HMCN2: variants seen among roughly 807,000 people sequenced by gnomAD.
The protein encoded by HMCN2 is hemicentin-2.
A neutral mutation model predicts 377.5 loss-of-function variants in HMCN2; 325 were observed. The observed-to-expected ratio is 0.86, with a 90% CI of 0.79 to 0.94. The LOEUF (loss-of-function observed/expected upper bound fraction) is 0.94, where lower values mean the gene tolerates loss of function less well. HMCN2 is among the 40% of genes least tolerant of loss of function. HMCN2 has a pLI of 0.00. For synonymous variants in HMCN2, 2,007 were observed against 2,046.8 expected (o/e 0.98, Z 0.53); for missense variants, 4,543 against 4,725.3 (o/e 0.96, Z 1.13).
At chr9:130,348,328 A>G (rs771239952) in intron 26 of HMCN2, among the ~76,000 whole-genome samples, 19 of 152,210 alleles carry the variant, frequency 1.2e-4, no homozygotes, top group Non-Finnish European at 2.6e-4. Context: ...AAAGGGTGAC[A>G]CCTGGGCCTG....
rs539241104 is a variant in HMCN2, at chr9:130,395,762, T to C, written c.10912-162T>C. Among the ~76,000 whole-genome samples, 92 of 152,244 alleles carry C rather than the reference T, an allele frequency of 6.0e-4. 1 individual carries two copies. The highest frequency in any genetic ancestry group is 4.8e-3 in the Admixed American group (73 of 15,300). On this transcript the variant is annotated intron_variant, in intron 71 of 97. Coordinates refer to ENST00000683500, the MANE Select transcript of HMCN2 (RefSeq NM_001291815.2). ...TTCCTCCCAGAGGAGTGCATTTCCT[T>C]AGAGGGTCCTCGGCGGGGCACAGTC...
chr9:130,354,853 G>A lies in HMCN2; in HGVS notation c.4955G>A (p.Gly1652Asp), dbSNP rs1417472191. Residue 1652 changes from glycine to aspartate, a missense_variant, in exon 32 of 98, where the codon GGC becomes GAC. Around this residue, in one of 5 missense-constraint regions of HMCN2, gnomAD observed 1,032 missense variants for 1,285.1 expected, o/e 0.80. Transcript: ENST00000683500. Reference protein sequence around the residue: ...RPVALECVARGHPSPTLSWHH... With the variant: ...RPVALECVARDHPSPTLSWHH... The stretch of plus-strand genomic sequence containing the variant: ...GTGGCGCTGGAGTGCGTGGCCAGAG[G>A]CCACCCGTCCCCCACCCTCTCCTGG... 2.3e-6 allele frequency: 3 copies of A among 1,304,118 alleles called. No homozygotes were observed. Among genetic ancestry groups the A allele is most frequent in the East Asian group, 1.1e-4 (2 of 18,038 alleles). 80.8% of individuals were successfully genotyped at this position (1,304,118 alleles called of 1,614,324 possible).
chr9:130,431,317 C>T (rs764214075), intron 95 of HMCN2, 50 bp from the exon 96 acceptor site: 13 of 1,522,916 alleles, frequency 8.5e-6, no homozygotes, highest in East Asian at 2.5e-5. Context: ...TGGCTCAGTG[C>T]GTCTCTCTGC....
Position 130,323,386 on chromosome 9 carries a change from C to T in HMCN2, c.2920+1455C>T, listed in dbSNP as rs936210828. Among the ~76,000 whole-genome samples the T allele has an allele frequency of 6.9e-3, 1,055 of 152,248 alleles. 9 individuals carry two copies. The highest frequency in any genetic ancestry group is 0.023 in the African/African-American group (957 of 41,548). On this transcript the variant is annotated intron_variant, in intron 19 of 97. Transcript: ENST00000683500. ...CTTAGAGACCCCGTGTTCAAGCCTG[C>T]GAATCTGAGTGGTGCCCAGGGTGGG...
intron 54 of HMCN2, among the ~76,000 whole-genome samples, chr9:130,380,160 G>T (rs558130618): frequency 6.6e-6 from 1 of 152,232 alleles, no homozygotes; most frequent in African/African-American, 2.4e-5. Flanking sequence ...GATTATAGGC[G>T]TGAGCCACCA....
At chr9:130,388,095 G>T (rs1842112525) in intron 61 of HMCN2, among the ~76,000 whole-genome samples, 1 of 152,098 alleles carries the variant, frequency 6.6e-6, no homozygotes, top group African/African-American at 2.4e-5. Context: ...GTCTGCCTGG[G>T]GTGTGTGACT....
rs966852191 is a variant in HMCN2 at position 130,296,738 on chromosome 9, G to A, written c.956G>A (p.Gly319Asp). The change falls in exon 7 of 98, where the codon GGC (glycine) becomes GAC (aspartate). Residue 319 changes from glycine (G) to aspartate (D), a missense_variant. Gly to Asp is a moderately conservative substitution (Grantham distance 94, BLOSUM62 -1). Around this residue, in one of 5 missense-constraint regions of HMCN2, gnomAD observed 547 missense variants for 189.9 expected, o/e 2.88. Transcript: ENST00000683500. ...GTCAGCAACATTGACTTCCGAGCCG[G>A]CTTCTCCACTCAGCCCTTGCTGGAC... ...TGVSNIDFRA[G>D]FSTQPLLDLN... 7 of 471,066 alleles carry A rather than the reference G, an allele frequency of 1.5e-5. No homozygotes were observed. Among genetic ancestry groups the A allele is most frequent in the African/African-American group, 1.2e-4 (6 of 50,062 alleles). 29.2% of individuals were successfully genotyped at this position (471,066 alleles called of 1,614,324 possible).
chr9:130,277,880 C>T (rs868907704), intron 1 of HMCN2, among the ~76,000 whole-genome samples: 4 of 12,484 alleles, frequency 3.2e-4, no homozygotes, highest in Non-Finnish European at 7.3e-4. Context: ...ATCACCACCA[C>T]CATCATCATC....
In HMCN2 at chr9:130,422,075, G is replaced by C. The variant is rs937397540; in HGVS notation, c.13232-502G>C. Among the ~76,000 whole-genome samples, 3 of 152,346 alleles carry C rather than the reference G, an allele frequency of 2.0e-5. No individual in the cohort carries two copies. The South Asian group carries it at 6.2e-4, about 32-fold the overall frequency. On this transcript the variant is annotated intron_variant, in intron 86 of 97. Coordinates refer to ENST00000683500, the MANE Select transcript of HMCN2 (RefSeq NM_001291815.2). The surrounding 1 kb of genome is among the most constrained non-coding windows in gnomAD (Gnocchi z 4.2). ...CTGGCGGGCAGCGGCTAGGAAACCA[G>C]CCCACCCGGCCAGGCCAGCTGCAGG...
At chr9:130,392,846 A>T (rs12550899) in intron 66 of HMCN2, among the ~76,000 whole-genome samples, 1 of 151,304 alleles carries the variant, frequency 6.6e-6, no homozygotes, top group Non-Finnish European at 1.5e-5. Context: ...AATACAAAAA[A>T]TTAGCCGGGC....
chr9:130,376,755 T>C, intron 52 of HMCN2, 97 bp downstream of exon 52: 8 of 727,530 alleles, frequency 1.1e-5, no homozygotes, highest in Non-Finnish European at 1.3e-5. Context: ...TTAAAGCACC[T>C]AGCCCTAGAG....
intron 22 of HMCN2, among the ~76,000 whole-genome samples, chr9:130,336,093 CAGTG>C (rs1165838531): frequency 1.7e-4 from 25 of 151,490 alleles, no homozygotes; most frequent in East Asian, 1.4e-3. Context: ...ACACATAGAG[CAGTG>C]AGTGAGTGAG....
In HMCN2 at chr9:130,362,907, G is replaced by A. The variant is rs1250176942; in HGVS notation, c.6149G>A (p.Arg2050Gln). The stretch of plus-strand genomic sequence containing the variant: ...CGGGTCCTCACCTTGGCTAGTGCCC[G>A]GGCCTCCGACTCTGGGAGGTACTCC... Reference protein sequence around the residue: ...GGRVLTLASARASDSGRYSCV... With the variant: ...GGRVLTLASAQASDSGRYSCV... Residue 2050 changes from arginine (R) to glutamine (Q), a missense_variant, in exon 40 of 98, where the codon CGG becomes CAG. Arg to Gln is a conservative substitution (Grantham distance 43, BLOSUM62 1). This residue lies in a region of HMCN2 where 1,032 missense variants were observed against 1,285.1 expected (regional missense o/e 0.80). Coordinates refer to ENST00000683500, the MANE Select transcript of HMCN2 (RefSeq NM_001291815.2). 1.0e-5 allele frequency: 10 copies of A among 985,956 alleles called. No homozygotes were observed. The highest frequency in any genetic ancestry group is 1.1e-4 in the East Asian group (1 of 8,824). 61.1% of individuals were successfully genotyped at this position (985,956 alleles called of 1,614,324 possible).
At chr9:130,372,494 G>T in intron 47 of HMCN2, 87 bp downstream of exon 47, 1 of 320,684 alleles carries the variant, frequency 3.1e-6, no homozygotes. Flanking sequence ...CAGACTCATG[G>T]CTCATGCTGT....
chr9:130,398,798 G>C, intron 75 of HMCN2, 91 bp downstream of exon 75: 1 of 1,116,986 alleles, frequency 9.0e-7, no homozygotes, highest in Admixed American at 2.6e-5. Context: ...GGACGGGGCG[G>C]GGTGTGCTCA....
chr9:130,388,071 G>T (rs12379991), intron 61 of HMCN2, among the ~76,000 whole-genome samples: 5 of 152,094 alleles, frequency 3.3e-5, no homozygotes, highest in Admixed American at 2.0e-4. Flanking sequence ...GGTTGACTCT[G>T]TTCCGCTGGT....
rs532132412 is a variant in HMCN2, at chr9:130,422,525, G to T, written c.13232-52G>T. 6 of 1,266,926 alleles carry T rather than the reference G, an allele frequency of 4.7e-6. No individual in the cohort carries two copies. In the East Asian group the frequency reaches 1.9e-4, roughly 40 times the overall value. 78.5% of individuals were successfully genotyped at this position (1,266,926 alleles called of 1,614,324 possible). A position where few individuals can be genotyped will look rare whatever the true frequency, so the allele number is the denominator to read the frequency against. On this transcript the variant is annotated intron_variant, in intron 86 of 97. Transcript: ENST00000683500. The surrounding 1 kb of genome is among the most constrained non-coding windows in gnomAD (Gnocchi z 4.2). ...GGGAATGACAGCCTGCTTGTGCTGTGGGCCCCGGGGTGGATAGTCAGTGGC... is the reference window on the plus strand; with the variant it reads ...GGGAATGACAGCCTGCTTGTGCTGTTGGCCCCGGGGTGGATAGTCAGTGGC...
At chr9:130,318,687 C>T in intron 15 of HMCN2, among the ~76,000 whole-genome samples, 1 of 152,268 alleles carries the variant, frequency 6.6e-6, no homozygotes, top group African/African-American at 2.4e-5. Flanking sequence ...TCTTATAACT[C>T]CTGGTTTCCA....
rs536279594 is a variant in HMCN2, at chr9:130,408,179, G to A, written c.12688+474G>A. On this transcript the variant is annotated intron_variant, in intron 83 of 97. Transcript: ENST00000683500. ...CACAACCTCAGGATGGGTGGGGCTG[G>A]ATGGGGGGAATGAACAGCCCCAGGC... Among the ~76,000 whole-genome samples, 488 of 152,246 alleles carry A rather than the reference G, an allele frequency of 3.2e-3. 2 individuals are homozygous for A. Among genetic ancestry groups the A allele is most frequent in the Non-Finnish European group, 3.8e-3 (257 of 68,020 alleles).
Sources: allele counts gnomAD v4.1 joint callset (sites outside exome capture counted in the v4.1 genomes callset), GRCh38; gene constraint gnomAD v4.1.1; regional missense constraint gnomAD v4.1.1; non-coding constraint Gnocchi (gnomAD v3.1); transcripts MANE v1.5; gene names NCBI Gene and HGNC (gene_info 2026-07-23, HGNC 2026-07-21).